Variants in CPE observed in about 807,000 individuals in gnomAD.
The protein encoded by CPE is carbocypeptidase E.
Under a neutral mutation model 53.5 loss-of-function variants are expected in CPE, and 17 were observed. The observed-to-expected ratio is 0.32, with a 90% CI of 0.22 to 0.48. The LOEUF (loss-of-function observed/expected upper bound fraction) is 0.48. CPE is among the 20% of genes least tolerant of loss of function. The pLI is 0.99. For missense variants in CPE, 524 were observed against 614.7 expected (o/e 0.85, Z 1.56); for synonymous variants, 226 against 228.8 (o/e 0.99, Z 0.11).
chr4:165,455,309 TTA>T (rs1190440707), intron 1 of CPE, among the ~76,000 whole-genome samples: 1 of 152,202 alleles, frequency 6.6e-6, no homozygotes, highest in Non-Finnish European at 1.5e-5. Context: ...TTAGACAAAT[TTA>T]TCTTTCCAAT....
At chr4:165,462,000 C>T (rs1168254549) in intron 1 of CPE, among the ~76,000 whole-genome samples, 2 of 152,102 alleles carry the variant, frequency 1.3e-5, no homozygotes, top group African/African-American at 4.8e-5. Context: ...CTTTGTTGTC[C>T]TGTCTTCATG....
rs370777951 is a variant in CPE at position 165,451,479 on chromosome 4, A to AT, written c.308-12909dup. Among the ~76,000 whole-genome samples the AT allele has an allele frequency of 4.5e-4, 67 of 150,462 alleles. 1 individual carries two copies. The South Asian group carries it at 0.011, about 24-fold the overall frequency. ...ACAACTCAGCAGAAGAGGTTTTATT[A>AT]TTATTTATTTATTTATTTATTTATT... On this transcript the variant is annotated intron_variant, in intron 1 of 8. Coordinates refer to ENST00000402744, the MANE Select transcript of CPE (RefSeq NM_001873.4).
At chr4:165,452,587 G>GT (rs921629595) in intron 1 of CPE, among the ~76,000 whole-genome samples, 48 of 151,334 alleles carry the variant, frequency 3.2e-4, no homozygotes, top group African/African-American at 6.8e-4. Flanking sequence ...TGTTTTTTGG[G>GT]TTTTTTTTGC....
rs1367221803 is a variant in CPE, at chr4:165,428,942, G to T, written c.308-35448G>T. 2.6e-5 allele frequency among the ~76,000 whole-genome samples: 4 copies of T among 152,224 alleles called. No individual in the cohort carries two copies. The East Asian group carries it at 7.7e-4, about 29-fold the overall frequency. On this transcript the variant is annotated intron_variant, in intron 1 of 8. Coordinates refer to ENST00000402744, the MANE Select transcript of CPE (RefSeq NM_001873.4). Reference sequence around the variant, plus strand: ...CTGCCATATAAGGTAACATTCACAGGTTTCAGGGATTAGGGCATGGATATC... The same window carrying T: ...CTGCCATATAAGGTAACATTCACAGTTTTCAGGGATTAGGGCATGGATATC...
chr4:165,462,824 G>A (rs554064256), intron 1 of CPE, among the ~76,000 whole-genome samples: 6 of 152,276 alleles, frequency 3.9e-5, no homozygotes, highest in South Asian at 2.1e-4. Flanking sequence ...ATTAGCATAA[G>A]CTCAGGCTGA....
chr4:165,406,043 C>A (rs1194142107), intron 1 of CPE: 4 of 758,552 alleles, frequency 5.3e-6, no homozygotes, highest in Admixed American at 1.7e-5. Flanking sequence ...GATATCAGCA[C>A]CTACAATAAA....
At chr4:165,415,601 T>G (rs1731107219) in intron 1 of CPE, among the ~76,000 whole-genome samples, 1 of 152,192 alleles carries the variant, frequency 6.6e-6, no homozygotes, top group South Asian at 2.1e-4. Flanking sequence ...ATTCACCTAA[T>G]TATTTTGTAG....
intron 1 of CPE, among the ~76,000 whole-genome samples, chr4:165,459,875 A>G (rs558595545): frequency 1.4e-3 from 205 of 142,140 alleles, no homozygotes; most frequent in Non-Finnish European, 2.7e-3. Flanking sequence ...AGATTGTGCC[A>G]CTGCACTCCA....
rs140774899 is a variant in CPE at position 165,464,499 on chromosome 4, C to A, written c.417C>A (p.Asn139Lys). The change falls in exon 2 of 9, where the codon AAC becomes AAA. Residue 139 changes from asparagine (N) to lysine (K), a missense_variant. Coordinates refer to ENST00000402744, the MANE Select transcript of CPE (RefSeq NM_001873.4). ...TATGCAACGAATACCAGAAGGGGAA[C>A]GAGACAATTGTCAACCTGATCCACA... ...QYLCNEYQKGNETIVNLIHST... is the reference protein window; with the variant it reads ...QYLCNEYQKGKETIVNLIHST... 2.5e-6 allele frequency: 4 copies of A among 1,613,746 alleles called. No individual in the cohort carries two copies. Among genetic ancestry groups the A allele is most frequent in the South Asian group, 1.1e-5 (1 of 91,054 alleles).
rs184097368 is a variant in CPE, at chr4:165,476,608, G to A, written c.673-5634G>A. ...TATTGGGAGACTGCCTTTCGCTGGC[G>A]CCTGCTGCAACCAATTATTATTTTA... On this transcript the variant is annotated intron_variant, in intron 3 of 8. Transcript: ENST00000402744. 3.0e-3 allele frequency among the ~76,000 whole-genome samples: 449 copies of A among 152,084 alleles called. 1 individual carries two copies. The highest frequency in any genetic ancestry group is 0.01 in the African/African-American group (419 of 41,476).
At chr4:165,468,143 T>C (rs1157035534) in intron 3 of CPE, among the ~76,000 whole-genome samples, 1 of 152,186 alleles carries the variant, frequency 6.6e-6, no homozygotes. Context: ...TTAGCTCATT[T>C]GATCAGCTCC....
chr4:165,416,148 CGA>C (rs1560875148), intron 1 of CPE, among the ~76,000 whole-genome samples: 1 of 152,154 alleles, frequency 6.6e-6, no homozygotes, highest in African/African-American at 2.4e-5. Flanking sequence ...GTAGCTGAGA[CGA>C]AAGCATTGCT....
chr4:165,478,414 T>A (rs1732340626), intron 3 of CPE, among the ~76,000 whole-genome samples: 1 of 152,218 alleles, frequency 6.6e-6, no homozygotes, highest in African/African-American at 2.4e-5. Flanking sequence ...AACATACTGG[T>A]AACATGCATA....
chr4:165,486,177 G>A (rs921242648), intron 5 of CPE, among the ~76,000 whole-genome samples: 19 of 150,296 alleles, frequency 1.3e-4, no homozygotes, highest in Admixed American at 9.9e-4. Context: ...GGGAGATTCT[G>A]GCTCCCATCA....
intron 4 of CPE, among the ~76,000 whole-genome samples, chr4:165,482,938 T>C (rs1732439796): frequency 6.6e-6 from 1 of 152,198 alleles, no homozygotes; most frequent in Admixed American, 6.5e-5. Flanking sequence ...AATTTCCTGC[T>C]TTGGATCTAT....
At chr4:165,442,023 GTTTTTT>G (rs11415472) in intron 1 of CPE, among the ~76,000 whole-genome samples, 1 of 107,444 alleles carries the variant, frequency 9.3e-6, no homozygotes, top group Non-Finnish European at 1.8e-5. Context: ...CGGTGAGTTT[GTTTTTT>G]TTTTTTGTTT....
chr4:165,461,465 A>G (rs1053817423), intron 1 of CPE, among the ~76,000 whole-genome samples: 1 of 151,930 alleles, frequency 6.6e-6, no homozygotes, highest in Non-Finnish European at 1.5e-5. Flanking sequence ...GCAAAGGGGA[A>G]GTTACTGATG....
chr4:165,413,551 A>C (rs1731074723), intron 1 of CPE, among the ~76,000 whole-genome samples: 1 of 152,072 alleles, frequency 6.6e-6, no homozygotes, highest in Non-Finnish European at 1.5e-5. Flanking sequence ...TGGCTTTATC[A>C]GTACTACCTT....
At chr4:165,409,776 G>A (rs775085520) in intron 1 of CPE, among the ~76,000 whole-genome samples, 3 of 152,086 alleles carry the variant, frequency 2.0e-5, no homozygotes, top group Admixed American at 6.6e-5. Flanking sequence ...TACTTACTTT[G>A]TGATCATTCA....
Sources: gnomAD v4.1 joint callset for allele counts (sites outside exome capture counted in the v4.1 genomes callset) on GRCh38, gnomAD v4.1.1 for gene constraint, MANE v1.5 for transcripts, NCBI Gene and HGNC (gene_info 2026-07-23, HGNC 2026-07-21) for gene names.